Variants in ANO1 observed in about 807,000 individuals in gnomAD.
ANO1 encodes anoctamin 1.
A neutral mutation model predicts 124.0 loss-of-function variants in ANO1; 59 were observed. The ratio of observed to expected loss-of-function variants is 0.48; its 90% confidence interval spans 0.39 to 0.59. The LOEUF is 0.59. Ranked by LOEUF, ANO1 falls within the 20% of genes least tolerant of loss-of-function variation. The pLI is 0.00. For missense variants in ANO1, 1,059 were observed against 1,328.0 expected, an observed-to-expected ratio of 0.80 and a Z score of 3.15; for synonymous variants, 529 against 532.0, an observed-to-expected ratio of 0.99 and a Z score of 0.08.
rs1442106625 is a variant in ANO1 at position 69,994,359 on chromosome 11, G to T, written c.58+8193G>T. 4.0e-5 allele frequency among the ~76,000 whole-genome samples: 6 copies of T among 149,794 alleles called. No homozygotes were observed. In the East Asian group the frequency reaches 1.2e-3, roughly 30 times the overall value. ...TCATTCGCCTCTCCCTGGGTGGATG[G>T]GTGGATGGATGGGTGGATGAATGGA... On this transcript the variant is annotated intron_variant, in intron 1 of 27. Transcript: ENST00000531349.
intron 1 of ANO1, among the ~76,000 whole-genome samples, chr11:69,992,216 A>AGATGGATG (rs59821789): frequency 0.059 from 8,691 of 147,082 alleles, 333 homozygotes; most frequent in Middle Eastern, 0.1. Flanking sequence ...ACGAATGGAT[A>AGATGGATG]GATGGATGGA....
At chr11:70,037,314 G>A (rs1857111880) in intron 1 of ANO1, among the ~76,000 whole-genome samples, 1 of 152,068 alleles carries the variant, frequency 6.6e-6, no homozygotes, top group Non-Finnish European at 1.5e-5. Context: ...GAGCTGTTGG[G>A]AACTGTGGAG....
chr11:69,979,275 C>G, the ANO1 span, among the ~76,000 whole-genome samples: 1 of 152,198 alleles, frequency 6.6e-6, no homozygotes, highest in Non-Finnish European at 1.5e-5. Context: ...CATTTTGCAA[C>G]TGGTGTATTG....
chr11:70,097,091 A>C (rs2045013468), intron 2 of ANO1, among the ~76,000 whole-genome samples: 1 of 152,168 alleles, frequency 6.6e-6, no homozygotes, highest in Non-Finnish European at 1.5e-5. Flanking sequence ...CTTCAACAGA[A>C]GCAGGAATGT....
chr11:70,141,948 C>A (rs1423267451), intron 11 of ANO1, among the ~76,000 whole-genome samples: 1 of 152,074 alleles, frequency 6.6e-6, no homozygotes, highest in Non-Finnish European at 1.5e-5. Context: ...TCCGTATTCA[C>A]GGTGGATGAA....
At chr11:70,011,397 G>T (rs1229629185) in intron 1 of ANO1, among the ~76,000 whole-genome samples, 2 of 152,162 alleles carry the variant, frequency 1.3e-5, no homozygotes, top group Non-Finnish European at 2.9e-5. Context: ...TCACACAGGA[G>T]CACCCTTTGG....
At chr11:70,174,028 C>T (rs1240214920) in intron 22 of ANO1, among the ~76,000 whole-genome samples, 20 of 151,370 alleles carry the variant, frequency 1.3e-4, no homozygotes, top group Admixed American at 9.2e-4. Flanking sequence ...CTCCGCCTCC[C>T]GGGTTCACGC....
intron 1 of ANO1, among the ~76,000 whole-genome samples, chr11:70,010,164 T>TGTGCGC (rs782616474): frequency 3.3e-5 from 2 of 61,318 alleles, no homozygotes; most frequent in Admixed American, 4.1e-4. Flanking sequence ...TGTGTGTGTG[T>TGTGCGC]GCGCGTGTGT....
At chr11:70,068,786 G>A (rs1555008954) in intron 1 of ANO1, among the ~76,000 whole-genome samples, 1 of 152,214 alleles carries the variant, frequency 6.6e-6, no homozygotes, top group African/African-American at 2.4e-5. Context: ...AAGGCGGGTA[G>A]GGGCAGTCCC....
rs1265472106 is a variant in ANO1 at position 70,026,894 on chromosome 11, G to A, written c.58+40728G>A. ...CCCACACTGGCCACCTTAACACCAG[G>A]TCCTCAAACACCAGGTGTGTTTCCA... On this transcript the variant is annotated intron_variant, in intron 1 of 27. Transcript: ENST00000531349. Among the ~76,000 whole-genome samples the A allele has an allele frequency of 2.0e-5, 3 of 152,252 alleles. No individual in the cohort carries two copies. In the East Asian group the frequency reaches 5.8e-4, roughly 29 times the overall value.
intron 1 of ANO1, among the ~76,000 whole-genome samples, chr11:70,080,027 T>C (rs550401841): frequency 6.6e-6 from 1 of 152,216 alleles, no homozygotes; most frequent in Non-Finnish European, 1.5e-5. Flanking sequence ...ATCAAAGCCA[T>C]GTGCCAGGCC....
intron 12 of ANO1, 58 bp downstream of exon 12, chr11:70,149,850 G>C (rs2047530216): frequency 6.3e-7 from 1 of 1,574,866 alleles, no homozygotes; most frequent in Non-Finnish European, 8.7e-7. Context: ...CCCTACCCCA[G>C]GACCTCCTTG....
At chr11:69,972,461 G>A in the ANO1 span, among the ~76,000 whole-genome samples, 2 of 152,062 alleles carry the variant, frequency 1.3e-5, no homozygotes, top group Admixed American at 6.6e-5. Flanking sequence ...GCAACGCCTC[G>A]TTTCCTGGGA....
chr11:70,045,970 G>A (rs1469208086), intron 1 of ANO1, among the ~76,000 whole-genome samples: 4 of 152,154 alleles, frequency 2.6e-5, no homozygotes, highest in Non-Finnish European at 4.4e-5. Flanking sequence ...CAACTTAGAC[G>A]ACTGTTCAAA....
intron 20 of ANO1, among the ~76,000 whole-genome samples, chr11:70,165,865 A>G (rs904485131): frequency 5.9e-5 from 9 of 152,084 alleles, no homozygotes; most frequent in African/African-American, 2.2e-4. Flanking sequence ...ACAAAAAAAT[A>G]AAAAGTTAGC....
rs10667749 is a variant in ANO1, at chr11:70,095,427, A to AAAGAAAAGAAAGAAAAGAAAG, written c.441+7345_441+7346insGAAAAGAAAGAAAAGAAAGAA. On this transcript the variant is annotated intron_variant, in intron 2 of 25. Transcript: ENST00000355303. ...GAAAGAAAGAAAGAAAGAAAGAAAG[A>AAAGAAAAGAAAGAAAAGAAAG]AAAGAAAAGAAAGAAAGAGGGAAAG... Among the ~76,000 whole-genome samples, 51 of 30,684 alleles carry AAAGAAAAGAAAGAAAAGAAAG rather than the reference A, an allele frequency of 1.7e-3. 4 individuals are homozygous for AAAGAAAAGAAAGAAAAGAAAG. The highest frequency in any genetic ancestry group is 4.3e-3 in the South Asian group (4 of 926). 20.1% of individuals were successfully genotyped at this position (30,684 alleles called of 152,430 possible).
At chr11:70,053,733 C>T (rs1176987018) in intron 1 of ANO1, among the ~76,000 whole-genome samples, 2 of 152,086 alleles carry the variant, frequency 1.3e-5, no homozygotes, top group African/African-American at 4.8e-5. Flanking sequence ...CTCCCTATTC[C>T]TGGAAGAGTT....
chr11:69,988,856 A>G (rs764258376), intron 1 of ANO1, among the ~76,000 whole-genome samples: 40 of 152,208 alleles, frequency 2.6e-4, no homozygotes, highest in Non-Finnish European at 4.6e-4. Context: ...TTGGAAATCA[A>G]CCCACATGCC....
At chr11:70,014,904 C>T (rs1400825789) in intron 1 of ANO1, 1 of 140,580 alleles carries the variant, frequency 7.1e-6, no homozygotes, top group Admixed American at 7.5e-5. Flanking sequence ...GTGGCACAAT[C>T]TTGCCTTTAT....
Sources: gnomAD v4.1 joint callset for allele counts (sites outside exome capture counted in the v4.1 genomes callset) on GRCh38, gnomAD v4.1.1 for gene constraint, MANE v1.5 for transcripts, NCBI Gene and HGNC (gene_info 2026-07-23, HGNC 2026-07-21) for gene names.